Variants in KLB observed in about 807,000 individuals in gnomAD.
KLB encodes the protein klotho beta.
Under a neutral mutation model 88.4 loss-of-function variants are expected in KLB, and 44 were observed. The observed-to-expected ratio is 0.50, with a 90% confidence interval of 0.39 to 0.64. The LOEUF (loss-of-function observed/expected upper bound fraction) is 0.64, where lower values mean the gene tolerates loss of function less well. Among genes scored for constraint, KLB ranks in the 30% least tolerant of loss-of-function variants. KLB has a pLI of 0.00. For synonymous variants in KLB, 548 were observed against 513.4 expected (o/e 1.07, Z -0.91); for missense variants, 1,137 against 1,304.8 (o/e 0.87, Z 1.98).
chr4:39,430,372 A>G (rs1031887053), intron 1 of KLB, among the ~76,000 whole-genome samples: 2 of 145,296 alleles, frequency 1.4e-5, no homozygotes, highest in African/African-American at 5.1e-5. Context: ...CCCTCCTTTG[A>G]ATCCTAGTAA....
chr4:39,447,212 G>A lies in KLB; in HGVS notation c.2486G>A (p.Arg829Lys), dbSNP rs754605540. ...TGCGCGCTCAACCACTTCACCACTA[G>A]GTTCGTGATGCACGAGCAGCTGGCC... ...DFCALNHFTT[R>K]FVMHEQLAGS... is the part of the protein sequence containing the mutation. The change falls in exon 4 of 5, where the codon AGG becomes AAG. Residue 829 changes from arginine (R) to lysine (K), a missense_variant. Physicochemically the swap from Arg to Lys is conservative, Grantham distance 26. Transcript: ENST00000257408. 1.2e-6 allele frequency: 2 copies of A among 1,614,044 alleles called. No individual in the cohort carries two copies. The highest frequency in any genetic ancestry group is 1.1e-5 in the South Asian group (1 of 91,086).
chr4:39,414,729 C>T (rs991909768), intron 1 of KLB, among the ~76,000 whole-genome samples: 3 of 151,140 alleles, frequency 2.0e-5, no homozygotes, highest in Non-Finnish European at 2.9e-5. Flanking sequence ...ATTAGCCAGG[C>T]GCGATGGTGG....
chr4:39,426,492 A>C (rs1743221343), intron 1 of KLB, among the ~76,000 whole-genome samples: 1 of 151,606 alleles, frequency 6.6e-6, no homozygotes, highest in Non-Finnish European at 1.5e-5. Flanking sequence ...TTCTTTATGA[A>C]AGGCTGTAAC....
Position 39,446,336 on chromosome 4 carries a change from A to G in KLB, c.1610A>G (p.Glu537Gly). 6.2e-7 allele frequency: 1 copy of G among 1,612,814 alleles called. No homozygotes were observed. Among genetic ancestry groups the G allele is most frequent in the Non-Finnish European group, 8.5e-7 (1 of 1,179,254 alleles). ...WGVTESVLKPESVASSPQFSD... is the reference protein window; with the variant it reads ...WGVTESVLKPGSVASSPQFSD... ...AAATGAGCTTGTTTTTCACAGCCCG[A>G]GTCTGTGGCTTCGTCCCCACAGTTC... Residue 537 changes from glutamate (E) to glycine (G), a missense_variant, in exon 4 of 5, where the codon GAG becomes GGG. Physicochemically the swap from Glu to Gly is moderately conservative, Grantham distance 98. Coordinates refer to ENST00000257408, the MANE Select transcript of KLB (RefSeq NM_175737.4). The surrounding 1 kb of genome is among the most constrained non-coding windows in gnomAD (Gnocchi z 6.4).
chr4:39,421,471 C>G (rs1480967612), intron 1 of KLB, among the ~76,000 whole-genome samples: 2 of 152,154 alleles, frequency 1.3e-5, no homozygotes, highest in African/African-American at 4.8e-5. Flanking sequence ...TGACTCCGAC[C>G]AGGCACAGTG....
In KLB at chr4:39,414,018, C is replaced by G. The variant is rs998174949; in HGVS notation, c.825+6244C>G. On this transcript the variant is annotated intron_variant, in intron 1 of 4. Transcript: ENST00000257408. ...CTCTACTCACTAGATGACAGTAGCT[C>G]CCCCATTTTCAGTGTTGTGACAATC... Among the ~76,000 whole-genome samples, 96 of 152,198 alleles carry G rather than the reference C, an allele frequency of 6.3e-4. 1 individual carries two copies. The highest frequency in any genetic ancestry group is 2.2e-3 in the African/African-American group (92 of 41,528).
intron 3 of KLB, among the ~76,000 whole-genome samples, chr4:39,443,404 A>C (rs564635988): frequency 1.3e-5 from 2 of 151,896 alleles, no homozygotes; most frequent in Non-Finnish European, 2.9e-5. Flanking sequence ...AAGAAAAAAA[A>C]AGGTGATATG....
intron 1 of KLB, among the ~76,000 whole-genome samples, chr4:39,428,760 G>T (rs536478999): frequency 1.3e-5 from 2 of 152,140 alleles, no homozygotes; most frequent in African/African-American, 4.8e-5. Context: ...AGGCTGAAGC[G>T]CAGTGGCGTG....
chr4:39,437,504 T>C (rs1424646449), intron 2 of KLB, among the ~76,000 whole-genome samples: 1 of 152,188 alleles, frequency 6.6e-6, no homozygotes, highest in Non-Finnish European at 1.5e-5. Context: ...TGACATACAC[T>C]TGTTCCAAGT....
At position 39,434,264 on chromosome 4, in the gene KLB, G is replaced by A; in HGVS notation, c.880G>A (p.Gly294Ser). The A allele has an allele frequency of 6.2e-7, 1 of 1,614,088 alleles. No individual in the cohort carries two copies. Among genetic ancestry groups the A allele is most frequent in the African/African-American group, 1.3e-5 (1 of 75,056 alleles). The change falls in exon 2 of 5, where the codon GGT (glycine) becomes AGT (serine). Residue 294 changes from glycine (G) to serine (S), a missense_variant. Gly to Ser is a moderately conservative substitution (Grantham distance 56). This residue lies in a region of KLB where 597 missense variants were observed against 765.2 expected (regional missense o/e 0.78). Transcript: ENST00000257408. ...CACACATTTCCGCCCACATCAGAAGGGTTGGTTATCGATCACGTTGGGATC... is the reference window on the plus strand; with the variant it reads ...CACACATTTCCGCCCACATCAGAAGAGTTGGTTATCGATCACGTTGGGATC... Reference protein sequence around the residue: ...YNTHFRPHQKGWLSITLGSHW... With the variant: ...YNTHFRPHQKSWLSITLGSHW...
chr4:39,439,788 C>T (rs1296001182), intron 3 of KLB, among the ~76,000 whole-genome samples: 1 of 152,124 alleles, frequency 6.6e-6, no homozygotes, highest in Non-Finnish European at 1.5e-5. Flanking sequence ...CTGTCTCAGC[C>T]TCTCAAGTAG....
In KLB at chr4:39,446,274, T is replaced by A; in HGVS notation, c.1606-58T>A. On this transcript the variant is annotated intron_variant, in intron 3 of 4. Coordinates refer to ENST00000257408, the MANE Select transcript of KLB (RefSeq NM_175737.4). This position sits in a 1 kb window ranked among gnomAD's most constrained non-coding sequence, Gnocchi z 6.4. ...ACTTTGGGAGGCAGAGGTAGGCAGATCACTTGAGCCTCCATCTGCCAGCGC... is the reference window on the plus strand; with the variant it reads ...ACTTTGGGAGGCAGAGGTAGGCAGAACACTTGAGCCTCCATCTGCCAGCGC... 6.7e-7 allele frequency: 1 copy of A among 1,485,954 alleles called. No homozygotes were observed. The highest frequency in any genetic ancestry group is 1.3e-5 in the South Asian group (1 of 79,752). 92.0% of individuals were successfully genotyped at this position (1,485,954 alleles called of 1,614,324 possible). A position where few individuals can be genotyped will look rare whatever the true frequency, so the allele number is the denominator to read the frequency against.
chr4:39,443,136 T>C (rs1313157249), intron 3 of KLB, among the ~76,000 whole-genome samples: 2 of 152,206 alleles, frequency 1.3e-5, no homozygotes, highest in African/African-American at 4.8e-5. Flanking sequence ...ATGATGTGCC[T>C]TTGTATCATA....
At chr4:39,416,702 C>T (rs1424841992) in intron 1 of KLB, among the ~76,000 whole-genome samples, 1 of 152,134 alleles carries the variant, frequency 6.6e-6, no homozygotes, top group Non-Finnish European at 1.5e-5. Flanking sequence ...GAGAGAATTG[C>T]TTGAGCTCAA....
rs765965692 is a variant in KLB, at chr4:39,447,303, C to A, written c.2577C>A (p.Pro859=). 1.3e-5 allele frequency: 21 copies of A among 1,614,000 alleles called. No individual in the cohort carries two copies. In the South Asian group the frequency reaches 2.3e-4, roughly 18 times the overall value. The change falls in exon 4 of 5, where the codon CCC becomes CCA. Residue 859 remains proline, a synonymous_variant. Coordinates refer to ENST00000257408, the MANE Select transcript of KLB (RefSeq NM_175737.4). The part of the protein sequence containing the change: ...FLQDITRLSS[P]TRLAVIPWGV... The stretch of plus-strand genomic sequence containing the variant: ...AGGACATCACCCGCCTGAGCTCCCC[C>A]ACGCGCCTGGCTGTGATTCCCTGGG...
rs371376570 is a variant in KLB, at chr4:39,432,293, A to G, written c.826-1917A>G. 1.1e-3 allele frequency among the ~76,000 whole-genome samples: 172 copies of G among 152,172 alleles called. 1 individual carries two copies. The highest frequency in any genetic ancestry group is 4.1e-3 in the African/African-American group (169 of 41,544). On this transcript the variant is annotated intron_variant, in intron 1 of 4. Transcript: ENST00000257408. The stretch of plus-strand genomic sequence containing the variant: ...AGAGCAAGACTCTGTCTCAAAGAAA[A>G]AAAAAACAACTCAAATAATGGAGAA...
rs191970205 is a variant in KLB, at chr4:39,426,403, G to A, written c.826-7807G>A. Among the ~76,000 whole-genome samples, 158 of 89,944 alleles carry A rather than the reference G, an allele frequency of 1.8e-3. 1 individual carries two copies. Among genetic ancestry groups the A allele is most frequent in the African/African-American group, 7.0e-3 (153 of 21,964 alleles). The allele number at this position is 89,944 out of a possible 152,430, so 59.0% of individuals were successfully genotyped here. ...ACACTCCAGCTGGGTGACAGAGCAAGACTCCTATCTAAAAAAAAAAAAAAA... is the reference window on the plus strand; with the variant it reads ...ACACTCCAGCTGGGTGACAGAGCAAAACTCCTATCTAAAAAAAAAAAAAAA... On this transcript the variant is annotated intron_variant, in intron 1 of 4. Coordinates refer to ENST00000257408, the MANE Select transcript of KLB (RefSeq NM_175737.4).
intron 2 of KLB, 63 bp downstream of exon 2, chr4:39,434,783 C>T (rs539885005): frequency 1.1e-4 from 140 of 1,239,554 alleles, no homozygotes; most frequent in African/African-American, 9.0e-4. Context: ...TTTAAAGTCA[C>T]CTTTGAATAT....
chr4:39,417,199 CT>C (rs556094751), intron 1 of KLB, among the ~76,000 whole-genome samples: 18 of 147,636 alleles, frequency 1.2e-4, no homozygotes, highest in Admixed American at 2.0e-4. Flanking sequence ...ATTAGCCAAG[CT>C]TTTTTTTTTG....
Sources: gnomAD v4.1 joint callset for allele counts (sites outside exome capture counted in the v4.1 genomes callset) on GRCh38, gnomAD v4.1.1 for gene constraint, gnomAD v4.1.1 regional missense constraint, Gnocchi (gnomAD v3.1) non-coding constraint, MANE v1.5 for transcripts, NCBI Gene and HGNC (gene_info 2026-07-23, HGNC 2026-07-21) for gene names.